The following DMRT1 variants were observed in gnomAD, a reference collection of about 807,000 sequenced individuals.
DMRT1 encodes doublesex- and mab-3-related transcription factor 1.
In DMRT1, 7 loss-of-function variants were observed where a neutral mutation model predicts 32.3. The ratio of observed to expected loss-of-function variants is 0.22; its 90% CI spans 0.12 to 0.41. The LOEUF (loss-of-function observed/expected upper bound fraction) is 0.41. DMRT1 is among the 10% of genes least tolerant of loss of function. The pLI is 1.00. For synonymous variants in DMRT1, 278 were observed against 206.1 expected, an observed-to-expected ratio of 1.35 and a Z score of -2.99; for missense variants, 625 against 500.5, an observed-to-expected ratio of 1.25 and a Z score of -2.37.
At chr9:843,702 A>G (rs1013672092) in intron 1 of DMRT1, among the ~76,000 whole-genome samples, 2 of 152,234 alleles carry the variant, frequency 1.3e-5, no homozygotes, top group African/African-American at 4.8e-5. Context: ...AAATGAAAAG[A>G]TAACGAAGAA....
At chr9:924,116 G>C (rs1818445761) in intron 4 of DMRT1, among the ~76,000 whole-genome samples, 1 of 144,618 alleles carries the variant, frequency 6.9e-6, no homozygotes, top group Non-Finnish European at 1.5e-5. Flanking sequence ...CTGTCTCCCA[G>C]GCTGGAGTGC....
At chr9:952,255 A>G (rs1424556849) in intron 4 of DMRT1, among the ~76,000 whole-genome samples, 2 of 152,210 alleles carry the variant, frequency 1.3e-5, no homozygotes, top group African/African-American at 2.4e-5. Context: ...TAACCAAATT[A>G]GCGCCACAGT....
intron 3 of DMRT1, among the ~76,000 whole-genome samples, chr9:897,655 G>A (rs1046857580): frequency 6.6e-6 from 1 of 151,486 alleles, no homozygotes; most frequent in Non-Finnish European, 1.5e-5. Context: ...TTATGTCGTT[G>A]TTGGTTTTTT....
intron 2 of DMRT1, among the ~76,000 whole-genome samples, chr9:876,205 G>A (rs1256334937): frequency 6.6e-6 from 1 of 152,130 alleles, no homozygotes; most frequent in Non-Finnish European, 1.5e-5. Context: ...GCAGCAGCTG[G>A]CAGTGAGGCT....
intron 3 of DMRT1, among the ~76,000 whole-genome samples, chr9:914,650 C>A (rs1818112967): frequency 6.7e-6 from 1 of 149,956 alleles, no homozygotes; most frequent in South Asian, 2.1e-4. Flanking sequence ...AGAAGAGACA[C>A]CATTTCATAT....
At chr9:923,680 AC>A (rs1179132579) in intron 4 of DMRT1, among the ~76,000 whole-genome samples, 1 of 151,966 alleles carries the variant, frequency 6.6e-6, no homozygotes, top group Non-Finnish European at 1.5e-5. Context: ...TGGGGCAAAG[AC>A]TCAGAGGGCT....
intron 3 of DMRT1, among the ~76,000 whole-genome samples, chr9:907,089 T>C (rs1317009336): frequency 6.6e-6 from 1 of 152,190 alleles, no homozygotes; most frequent in African/African-American, 2.4e-5. Context: ...ATTAAGAATA[T>C]CATCAGTACA....
chr9:859,627 A>G (rs1815565831), intron 2 of DMRT1, among the ~76,000 whole-genome samples: 1 of 152,232 alleles, frequency 6.6e-6, no homozygotes, highest in African/African-American at 2.4e-5. Context: ...ATAAATATTG[A>G]TTACTGTTGT....
chr9:861,987 G>A (rs1253474510), intron 2 of DMRT1, among the ~76,000 whole-genome samples: 2 of 151,238 alleles, frequency 1.3e-5, no homozygotes, highest in South Asian at 2.1e-4. Flanking sequence ...ACGGGATGAC[G>A]GCCGGGAAGA....
intron 3 of DMRT1, among the ~76,000 whole-genome samples, chr9:898,572 G>A (rs754689929): frequency 6.6e-6 from 1 of 152,134 alleles, no homozygotes; most frequent in Non-Finnish European, 1.5e-5. Context: ...GGGCAGAGTC[G>A]GGGGCTCTTC....
rs573778117 is a variant in DMRT1, at chr9:954,789, G to A, written c.968-13196G>A. The stretch of plus-strand genomic sequence containing the variant: ...CCCTAGTAGCTGGGATTACAGGTGC[G>A]TGCCACCACGCCCAGATAATTTTTG... On this transcript the variant is annotated intron_variant, in intron 4 of 4. Transcript: ENST00000382276. Among the ~76,000 whole-genome samples the A allele has an allele frequency of 5.3e-5, 8 of 151,760 alleles. No individual in the cohort carries two copies. In the East Asian group the frequency reaches 7.8e-4, roughly 15 times the overall value.
At chr9:852,753 C>T (rs1351739048) in intron 2 of DMRT1, among the ~76,000 whole-genome samples, 4 of 152,226 alleles carry the variant, frequency 2.6e-5, no homozygotes, top group Non-Finnish European at 4.4e-5. Context: ...CAAACCACCT[C>T]GGGCCCCCCT....
chr9:863,515 C>T (rs1270590655), intron 2 of DMRT1, among the ~76,000 whole-genome samples: 1 of 152,060 alleles, frequency 6.6e-6, no homozygotes, highest in Non-Finnish European at 1.5e-5. Flanking sequence ...TAGCAACAGC[C>T]CTCAGCTGAC....
intron 4 of DMRT1, among the ~76,000 whole-genome samples, chr9:923,040 A>C (rs1379176963): frequency 6.6e-6 from 1 of 152,140 alleles, no homozygotes; most frequent in Non-Finnish European, 1.5e-5. Context: ...TGGACCAGGG[A>C]GTCTAGCAGT....
chr9:914,351 G>A (rs987953934), intron 3 of DMRT1, among the ~76,000 whole-genome samples: 3 of 152,096 alleles, frequency 2.0e-5, no homozygotes, highest in Non-Finnish European at 2.9e-5. Flanking sequence ...GAGGCGGGCA[G>A]ATCACGAGGT....
At chr9:905,390 A>G (rs1188065593) in intron 3 of DMRT1, among the ~76,000 whole-genome samples, 1 of 152,070 alleles carries the variant, frequency 6.6e-6, no homozygotes, top group Non-Finnish European at 1.5e-5. Context: ...AGGAAGGCAG[A>G]CATAATTCTA....
At chr9:898,240 C>T (rs545037811) in intron 3 of DMRT1, among the ~76,000 whole-genome samples, 13 of 152,170 alleles carry the variant, frequency 8.5e-5, no homozygotes, top group African/African-American at 3.1e-4. Flanking sequence ...GTGCCTCAGC[C>T]TCCCAAGTAG....
intron 4 of DMRT1, among the ~76,000 whole-genome samples, chr9:926,687 TAGAGAG>T (rs57146042): frequency 0.22 from 6,148 of 27,602 alleles, 421 homozygotes; most frequent in African/African-American, 0.36. Context: ...AAGACACAGG[TAGAGAG>T]AGAGAGAGAG....
At chr9:860,683 A>G (rs1027940305) in intron 2 of DMRT1, among the ~76,000 whole-genome samples, 3 of 152,228 alleles carry the variant, frequency 2.0e-5, no homozygotes, top group Admixed American at 6.5e-5. Flanking sequence ...AAAGAAAAAC[A>G]AAGTGATATG....
Sources: allele counts gnomAD v4.1 joint callset (sites outside exome capture counted in the v4.1 genomes callset), GRCh38; gene constraint gnomAD v4.1.1; transcripts MANE v1.5; gene names NCBI Gene and HGNC (gene_info 2026-07-23, HGNC 2026-07-21).